Variants in ASH1L observed in about 807,000 individuals in gnomAD.
The protein encoded by ASH1L is ASH1 like histone lysine methyltransferase.
A neutral mutation model predicts 269.0 loss-of-function variants in ASH1L; 23 were observed. The ratio of observed to expected loss-of-function variants is 0.09; its 90% CI spans 0.06 to 0.12. ASH1L has a LOEUF of 0.12. ASH1L is among the 10% of genes least tolerant of loss of function. ASH1L has a pLI of 1.00. For synonymous variants in ASH1L, 1,187 were observed against 1,253.5 expected, an observed-to-expected ratio of 0.95 and a Z score of 1.12; for missense variants, 2,912 against 3,567.8, an observed-to-expected ratio of 0.82 and a Z score of 4.68.
intron 4 of ASH1L, 69 bp downstream of exon 4, chr1:155,459,728 G>GAA: frequency 8.0e-7 from 1 of 1,247,556 alleles, no homozygotes; most frequent in Admixed American, 1.9e-5. Flanking sequence ...CTACAATATT[G>GAA]TAACTCCTTA....
chr1:155,343,081 G>T lies in ASH1L; in HGVS notation c.8293+233C>A. 1 of 428,604 alleles carries T rather than the reference G, an allele frequency of 2.3e-6. No individual in the cohort carries two copies. The highest frequency in any genetic ancestry group is 4.2e-6 in the Non-Finnish European group (1 of 240,004). 26.6% of individuals were successfully genotyped at this position (428,604 alleles called of 1,614,324 possible). On this transcript the variant is annotated intron_variant, in intron 24 of 27. Coordinates refer to ENST00000392403, the MANE Select transcript of ASH1L (RefSeq NM_018489.3). This position sits in a 1 kb window ranked among gnomAD's most constrained non-coding sequence, Gnocchi z 6.1. ...GGTTGGAGTGCAGTGGTGCGATCTT[G>T]GCTCACTGCAACCTCTGCCTCCCAG...
At chr1:155,498,860 T>C (rs1446777959) in intron 2 of ASH1L, among the ~76,000 whole-genome samples, 6 of 147,434 alleles carry the variant, frequency 4.1e-5, no homozygotes, top group Non-Finnish European at 8.9e-5. Context: ...TCAAGAAAAG[T>C]ACGCTTCAGT....
At chr1:155,512,910 T>C (rs1191500215) in intron 2 of ASH1L, among the ~76,000 whole-genome samples, 1 of 151,170 alleles carries the variant, frequency 6.6e-6, no homozygotes, top group Non-Finnish European at 1.5e-5. Flanking sequence ...TATAAAAATA[T>C]TAGAAGTGTG....
chr1:155,541,639 T>C (rs1382884980), intron 1 of ASH1L, among the ~76,000 whole-genome samples: 1 of 152,184 alleles, frequency 6.6e-6, no homozygotes, highest in African/African-American at 2.4e-5. Flanking sequence ...TAACCATTTC[T>C]AACTCTCAAA....
At chr1:155,474,059 C>A (rs1385691307) in intron 3 of ASH1L, among the ~76,000 whole-genome samples, 2 of 152,106 alleles carry the variant, frequency 1.3e-5, no homozygotes, top group African/African-American at 4.8e-5. Context: ...GTTTCGAACT[C>A]CTGACCTCAG....
intron 13 of ASH1L, 39 bp from the exon 14 acceptor site, chr1:155,357,788 T>C: frequency 6.4e-7 from 1 of 1,566,130 alleles, no homozygotes; most frequent in Non-Finnish European, 8.6e-7. Flanking sequence ...TTTTATTTTT[T>C]TAAGGCAGGG....
At chr1:155,544,785 C>CA (rs1670674910) in intron 1 of ASH1L, among the ~76,000 whole-genome samples, 1 of 151,680 alleles carries the variant, frequency 6.6e-6, no homozygotes, top group African/African-American at 2.4e-5. Flanking sequence ...ATAAGATATA[C>CA]AAAAAATATG....
At position 155,478,489 on chromosome 1, in the gene ASH1L, G is replaced by A. The variant is rs753849025; in HGVS notation, c.4381C>T (p.Leu1461Phe). ...AFLTTSRTPL[L>F]SMSTYPSVPP... ...ACACTGGGGTAGGTACTCATGGAAA[G>A]GAGGGGAGTCCTGCTGGTTGTAAGA... The change falls in exon 3 of 28, where the codon CTT becomes TTT. Residue 1461 changes from leucine (L) to phenylalanine (F), a missense_variant. Physicochemically the swap from Leu to Phe is conservative, Grantham distance 22. Coordinates refer to ENST00000392403, the MANE Select transcript of ASH1L (RefSeq NM_018489.3). This position sits in a 1 kb window ranked among gnomAD's most constrained non-coding sequence, Gnocchi z 4.6. The A allele has an allele frequency of 1.2e-6, 2 of 1,614,150 alleles. No homozygotes were observed. The highest frequency in any genetic ancestry group is 4.5e-5 in the East Asian group (2 of 44,886).
rs1026434279 is a variant in ASH1L, at chr1:155,468,425, G to C, written c.4985-8527C>G. Among the ~76,000 whole-genome samples, 16 of 151,916 alleles carry C rather than the reference G, an allele frequency of 1.1e-4. No homozygotes were observed. In the East Asian group the frequency reaches 3.1e-3, roughly 29 times the overall value. On this transcript the variant is annotated intron_variant, in intron 3 of 27. Transcript: ENST00000392403. The stretch of plus-strand genomic sequence containing the variant: ...GCAGTCCAGTCCATATTCAAGAAGA[G>C]GTAAATTAAGTTCCACCTCCTGAAA...
At chr1:155,471,259 C>T (rs1332163062) in intron 3 of ASH1L, among the ~76,000 whole-genome samples, 1 of 152,202 alleles carries the variant, frequency 6.6e-6, no homozygotes, top group East Asian at 1.9e-4. Context: ...GTTCCTGGCA[C>T]AGAGTTTCAA....
rs199618784 is a variant in ASH1L at position 155,521,366 on chromosome 1, G to A, written c.154C>T (p.Arg52Trp). 1.3e-4 allele frequency: 204 copies of A among 1,613,860 alleles called. No individual in the cohort carries two copies. Among genetic ancestry groups the A allele is most frequent in the African/African-American group, 1.5e-4 (11 of 74,826 alleles). Residue 52 changes from arginine to tryptophan, a missense_variant, in exon 2 of 28, where the codon CGG becomes TGG. Around this residue, in one of 13 missense-constraint regions of ASH1L, gnomAD observed 115 missense variants for 101.5 expected, o/e 1.13. Coordinates refer to ENST00000392403, the MANE Select transcript of ASH1L (RefSeq NM_018489.3). The stretch of plus-strand genomic sequence containing the variant: ...GCTTCGATGTTTCTTTCTCGATTCC[G>A]TTTGCGAAGGTCCTCTTCCTCCTTT... ...NTKEEEDLRK[R>W]NRERNIEAGK...
rs188247887 is a variant in ASH1L at position 155,539,905 on chromosome 1, A to C, written c.-99-18287T>G. ...ACCTCATCTCCACTAAAAATAAAAAATAAAATAAAAAATCAGCTAGGTGTT... is the reference window on the plus strand; with the variant it reads ...ACCTCATCTCCACTAAAAATAAAAACTAAAATAAAAAATCAGCTAGGTGTT... On this transcript the variant is annotated intron_variant, in intron 1 of 27. Transcript: ENST00000392403. Among the ~76,000 whole-genome samples the C allele has an allele frequency of 1.7e-4, 26 of 152,094 alleles. 1 individual carries two copies. The highest frequency in any genetic ancestry group is 5.8e-4 in the African/African-American group (24 of 41,508).
intron 7 of ASH1L, among the ~76,000 whole-genome samples, chr1:155,393,787 C>T (rs1236893057): frequency 6.6e-6 from 1 of 151,988 alleles, no homozygotes; most frequent in Non-Finnish European, 1.5e-5. Context: ...CTCGTGACCT[C>T]GTGATCCACC....
At chr1:155,368,388 T>G (rs1460231353) in intron 12 of ASH1L, among the ~76,000 whole-genome samples, 1 of 152,158 alleles carries the variant, frequency 6.6e-6, no homozygotes, top group East Asian at 1.9e-4. Flanking sequence ...ATTTTCAATT[T>G]TGGGGGTACA....
Position 155,562,139 on chromosome 1 carries a change from A to G in ASH1L, c.-100+14T>C, listed in dbSNP as rs749326152. 3 of 1,513,250 alleles carry G rather than the reference A, an allele frequency of 2.0e-6. No individual in the cohort carries two copies. In the Admixed American group the frequency reaches 5.3e-5, roughly 27 times the overall value. The allele number at this position is 1,513,250 out of a possible 1,614,324, so 93.7% of individuals were successfully genotyped here. On this transcript the variant is annotated intron_variant, in intron 1 of 27. Coordinates refer to ENST00000392403, the MANE Select transcript of ASH1L (RefSeq NM_018489.3). ...TGCTTAGGCCCGAATGCCGGCCCAA[A>G]TCGTTCTACTCACCGTGTCGGAGGC...
At chr1:155,389,239 C>T (rs962105630) in intron 7 of ASH1L, among the ~76,000 whole-genome samples, 1 of 151,856 alleles carries the variant, frequency 6.6e-6, no homozygotes, top group Non-Finnish European at 1.5e-5. Flanking sequence ...CTCAGGTGAT[C>T]TGCCTGCCTC....
At chr1:155,523,526 GGAATGTAAGTAAAATACCTCGCCCAAT>G (rs1669027804) in intron 1 of ASH1L, among the ~76,000 whole-genome samples, 1 of 152,180 alleles carries the variant, frequency 6.6e-6, no homozygotes, top group African/African-American at 2.4e-5. Flanking sequence ...ACTTCTACAA[GGAATGTAAGTAAAATACCTCGCCCAAT>G]GACTGGCACA....
intron 16 of ASH1L, 54 bp from the exon 17 acceptor site, chr1:155,352,912 T>C: frequency 6.6e-7 from 1 of 1,506,768 alleles, no homozygotes; most frequent in South Asian, 1.3e-5. Context: ...TCTACATGTC[T>C]TTCTCTTTCC....
At chr1:155,516,030 G>A (rs1668481374) in intron 2 of ASH1L, among the ~76,000 whole-genome samples, 1 of 151,858 alleles carries the variant, frequency 6.6e-6, no homozygotes, top group Non-Finnish European at 1.5e-5. Context: ...TTCTTACACT[G>A]CCTTCTATCG....
Sources: allele counts gnomAD v4.1 joint callset (sites outside exome capture counted in the v4.1 genomes callset), GRCh38; gene constraint gnomAD v4.1.1; regional missense constraint gnomAD v4.1.1; non-coding constraint Gnocchi (gnomAD v3.1); transcripts MANE v1.5; gene names NCBI Gene and HGNC (gene_info 2026-07-23, HGNC 2026-07-21).